PXDNL: variants seen among roughly 807,000 people sequenced by gnomAD.
The protein encoded by PXDNL is probable oxidoreductase PXDNL.
Under a neutral mutation model 150.8 loss-of-function variants are expected in PXDNL, and 145 were observed. The observed-to-expected ratio is 0.96, with a 90% CI of 0.84 to 1.10. PXDNL has a LOEUF of 1.10. Ranked by LOEUF, PXDNL falls within the 50% of genes least tolerant of loss-of-function variation. The pLI is 0.00. For synonymous variants in PXDNL, 757 were observed against 725.7 expected, an observed-to-expected ratio of 1.04 and a Z score of -0.69; for missense variants, 2,087 against 1,873.9, an observed-to-expected ratio of 1.11 and a Z score of -2.10.
At chr8:51,549,702 T>C (rs978271439) in intron 4 of PXDNL, among the ~76,000 whole-genome samples, 5 of 151,494 alleles carry the variant, frequency 3.3e-5, no homozygotes, top group African/African-American at 9.7e-5. Context: ...GGAAAGTTCA[T>C]AGCATTAAAT....
intron 5 of PXDNL, among the ~76,000 whole-genome samples, chr8:51,494,750 C>A (rs1811003651): frequency 1.3e-5 from 2 of 151,920 alleles, no homozygotes; most frequent in South Asian, 4.2e-4. Context: ...TATATATGCA[C>A]CCAATACAGG....
chr8:51,406,170 T>C (rs1273081797), intron 17 of PXDNL, among the ~76,000 whole-genome samples: 3 of 152,224 alleles, frequency 2.0e-5, no homozygotes, highest in African/African-American at 7.2e-5. Flanking sequence ...TACTCTAATT[T>C]GTGGTGAATT....
At chr8:51,651,561 T>G (rs566948724) in intron 2 of PXDNL, among the ~76,000 whole-genome samples, 2 of 152,222 alleles carry the variant, frequency 1.3e-5, no homozygotes, top group South Asian at 4.2e-4. Flanking sequence ...CAATTAGGCC[T>G]TCCTTCCAGA....
chr8:51,541,943 G>T (rs984877022), intron 4 of PXDNL, among the ~76,000 whole-genome samples: 1 of 151,950 alleles, frequency 6.6e-6, no homozygotes, highest in African/African-American at 2.4e-5. Context: ...TTCCATCATG[G>T]TTAAAAGCAG....
At chr8:51,610,943 A>T (rs967039264) in intron 2 of PXDNL, among the ~76,000 whole-genome samples, 6 of 152,182 alleles carry the variant, frequency 3.9e-5, no homozygotes, top group African/African-American at 1.4e-4. Context: ...CTAAATATGA[A>T]AAAAATCTCT....
In PXDNL at chr8:51,535,347, G is replaced by A. The variant is rs1336769273; in HGVS notation, c.380+21493C>T. On this transcript the variant is annotated intron_variant, in intron 4 of 22. Coordinates refer to ENST00000356297, the MANE Select transcript of PXDNL (RefSeq NM_144651.5). Reference sequence around the variant, plus strand: ...TCTGTGTGGATAGAAGTAGACATGGGAGACTTTTCATTTTGTTCTGTACTA... The same window carrying A: ...TCTGTGTGGATAGAAGTAGACATGGAAGACTTTTCATTTTGTTCTGTACTA... Among the ~76,000 whole-genome samples, 403 of 87,346 alleles carry A rather than the reference G, an allele frequency of 4.6e-3. 1 individual carries two copies. Among genetic ancestry groups the A allele is most frequent in the Non-Finnish European group, 6.6e-3 (323 of 49,194 alleles). 57.3% of individuals were successfully genotyped at this position (87,346 alleles called of 152,430 possible).
chr8:51,380,245 A>G (rs1807492410), intron 17 of PXDNL, among the ~76,000 whole-genome samples: 1 of 152,198 alleles, frequency 6.6e-6, no homozygotes, highest in Non-Finnish European at 1.5e-5. Context: ...AGGTTGGACA[A>G]GTTTGCTTTA....
intron 1 of PXDNL, among the ~76,000 whole-genome samples, chr8:51,684,911 A>G (rs1026408369): frequency 3.9e-5 from 6 of 152,188 alleles, no homozygotes; most frequent in African/African-American, 1.4e-4. Context: ...AAAGAACCCC[A>G]GCCTCAGATG....
At chr8:51,646,069 C>T (rs11784598) in intron 2 of PXDNL, among the ~76,000 whole-genome samples, 4,516 of 80,302 alleles carry the variant, frequency 0.056, 99 homozygotes, top group Non-Finnish European at 0.098. Context: ...CTGTGTTCCC[C>T]GAAATGGGTA....
intron 14 of PXDNL, among the ~76,000 whole-genome samples, chr8:51,422,946 G>A (rs1586094400): frequency 6.6e-6 from 1 of 152,144 alleles, no homozygotes; most frequent in East Asian, 1.9e-4. Flanking sequence ...CATGTCCCTT[G>A]TGAACTGAAT....
At chr8:51,515,567 C>T (rs539918389) in intron 4 of PXDNL, among the ~76,000 whole-genome samples, 16 of 152,198 alleles carry the variant, frequency 1.1e-4, no homozygotes, top group Non-Finnish European at 1.8e-4. Context: ...AAAACACATT[C>T]CTTGCCTTCA....
chr8:51,732,588 A>G (rs10448047), intron 1 of PXDNL, among the ~76,000 whole-genome samples: 145,765 of 152,244 alleles, frequency 0.96, 70,111 homozygotes, highest in East Asian at 1. Context: ...AATTTACTGT[A>G]TTAGTCTGTT....
chr8:51,402,698 A>G (rs1055614718), intron 17 of PXDNL, among the ~76,000 whole-genome samples: 5 of 152,208 alleles, frequency 3.3e-5, no homozygotes, highest in Non-Finnish European at 7.3e-5. Context: ...CTCTCTGGAA[A>G]TTTATGTTCA....
chr8:51,590,824 G>A (rs1406668565), intron 3 of PXDNL, among the ~76,000 whole-genome samples: 5 of 152,092 alleles, frequency 3.3e-5, no homozygotes, highest in Admixed American at 2.6e-4. Context: ...GAGATTCTGG[G>A]CTTTGGACTT....
chr8:51,623,978 A>G (rs1180700000), intron 2 of PXDNL, among the ~76,000 whole-genome samples: 1 of 151,702 alleles, frequency 6.6e-6, no homozygotes, highest in Non-Finnish European at 1.5e-5. Context: ...CTGTAGTCCC[A>G]GCTACTTGGG....
chr8:51,396,371 G>A (rs1808082630), intron 17 of PXDNL, among the ~76,000 whole-genome samples: 1 of 152,216 alleles, frequency 6.6e-6, no homozygotes, highest in Non-Finnish European at 1.5e-5. Context: ...AGGCCTTCCC[G>A]ACCAGAGTGC....
chr8:51,587,135 T>C (rs1392231954), intron 3 of PXDNL, among the ~76,000 whole-genome samples: 1 of 152,208 alleles, frequency 6.6e-6, no homozygotes, highest in Non-Finnish European at 1.5e-5. Flanking sequence ...AATTTGGATG[T>C]CAAGATGTTT....
chr8:51,474,940 T>G, intron 7 of PXDNL, 32 bp downstream of exon 7: 1 of 1,523,370 alleles, frequency 6.6e-7, no homozygotes, highest in Non-Finnish European at 8.9e-7. Flanking sequence ...GAGAGACAGT[T>G]CTATCTTATG....
At chr8:51,556,680 T>C (rs761036439) in intron 4 of PXDNL, among the ~76,000 whole-genome samples, 160 bp downstream of exon 4, 1 of 152,194 alleles carries the variant, frequency 6.6e-6, no homozygotes, top group Non-Finnish European at 1.5e-5. Context: ...AACTCAATCA[T>C]ACATTCTGAT....
Sources: allele counts gnomAD v4.1 joint callset (sites outside exome capture counted in the v4.1 genomes callset), GRCh38; gene constraint gnomAD v4.1.1; transcripts MANE v1.5; gene names NCBI Gene and HGNC (gene_info 2026-07-23, HGNC 2026-07-21).